CTNNA1: variants seen among roughly 807,000 people sequenced by gnomAD.
The protein encoded by CTNNA1 is catenin alpha-1.
Under a neutral mutation model 98.4 loss-of-function variants are expected in CTNNA1, and 37 were observed. The ratio of observed to expected loss-of-function variants is 0.38; its 90% CI spans 0.29 to 0.49. CTNNA1 has a LOEUF of 0.49. Among genes scored for constraint, CTNNA1 ranks in the 20% least tolerant of loss-of-function variants. The pLI, the probability that CTNNA1 is intolerant of heterozygous loss-of-function variation, is 0.95. For synonymous variants in CTNNA1, 404 were observed against 413.2 expected (o/e 0.98, Z 0.27); for missense variants, 761 against 1,147.2 (o/e 0.66, Z 4.86).
At chr5:138,927,708 G>GAGA (rs1764406585) in intron 13 of CTNNA1, among the ~76,000 whole-genome samples, 2 of 122,638 alleles carry the variant, frequency 1.6e-5, no homozygotes, top group African/African-American at 3.1e-5. Flanking sequence ...TTGGCAGAGA[G>GAGA]ATAATGAATG....
At chr5:138,791,400 C>T (rs1040507588) in intron 3 of CTNNA1, among the ~76,000 whole-genome samples, 2 of 151,832 alleles carry the variant, frequency 1.3e-5, no homozygotes, top group African/African-American at 4.8e-5. Context: ...GGGCAGATCA[C>T]GAGGTCAGGA....
intron 7 of CTNNA1, among the ~76,000 whole-genome samples, chr5:138,835,355 A>C (rs1326480821): frequency 6.6e-6 from 1 of 152,328 alleles, no homozygotes; most frequent in South Asian, 2.1e-4. Flanking sequence ...GTTTGCAGGT[A>C]CAGAGGCTGA....
At chr5:138,829,953 T>C (rs1761094710) in intron 7 of CTNNA1, among the ~76,000 whole-genome samples, 2 of 151,158 alleles carry the variant, frequency 1.3e-5, no homozygotes, top group African/African-American at 2.4e-5. Context: ...GATCACAAGG[T>C]CAGGAGATAG....
intron 6 of CTNNA1, among the ~76,000 whole-genome samples, chr5:138,825,548 C>A (rs570470416): frequency 1.5e-3 from 159 of 107,300 alleles, no homozygotes; most frequent in Non-Finnish European, 2.2e-3. Flanking sequence ...AAAAAACAAA[C>A]CAAAAAACAG....
rs184033082 is a variant in CTNNA1, at chr5:138,887,389, C to T, written c.1144-101C>T. The T allele has an allele frequency of 3.6e-4, 297 of 826,228 alleles. 1 individual carries two copies. The highest frequency in any genetic ancestry group is 5.9e-4 in the Admixed American group (20 of 33,622). The allele number at this position is 826,228 out of a possible 1,614,324, so 51.2% of individuals were successfully genotyped here. ...CCTCATGTAAGTGCAGCAAGTCTAC[C>T]GTAAGCTTCATTAGATTTAAGTGTA... On this transcript the variant is annotated intron_variant, in intron 8 of 17. Coordinates refer to ENST00000302763, the MANE Select transcript of CTNNA1 (RefSeq NM_001903.5).
chr5:138,872,054 G>T (rs1368249105), intron 7 of CTNNA1: 1 of 138,840 alleles, frequency 7.2e-6, no homozygotes, highest in African/African-American at 2.8e-5. Flanking sequence ...GTGTGTGTGT[G>T]TGTGTGTGTG....
At chr5:138,888,525 A>C (rs1032908890) in intron 9 of CTNNA1, among the ~76,000 whole-genome samples, 2 of 152,074 alleles carry the variant, frequency 1.3e-5, no homozygotes, top group African/African-American at 4.8e-5. Context: ...ATTTATAGTG[A>C]TATTAGGCCA....
chr5:138,805,429 C>G (rs989193400), intron 3 of CTNNA1, among the ~76,000 whole-genome samples: 2 of 152,122 alleles, frequency 1.3e-5, no homozygotes, highest in African/African-American at 4.8e-5. Flanking sequence ...CTATTATCTG[C>G]CTTTTTTATT....
At chr5:138,823,100 G>T (rs1291171640) in intron 5 of CTNNA1, among the ~76,000 whole-genome samples, 1 of 152,150 alleles carries the variant, frequency 6.6e-6, no homozygotes, top group Non-Finnish European at 1.5e-5. Context: ...TAAGAGTTGG[G>T]CTACCATTTG....
intron 6 of CTNNA1, among the ~76,000 whole-genome samples, chr5:138,825,182 G>T (rs1760525372): frequency 6.6e-6 from 1 of 152,048 alleles, no homozygotes; most frequent in East Asian, 1.9e-4. Flanking sequence ...TGGTCTATTG[G>T]GAGATAGAGA....
At chr5:138,827,846 G>T in intron 7 of CTNNA1, 128 bp downstream of exon 7, 1 of 1,160,390 alleles carries the variant, frequency 8.6e-7, no homozygotes, top group Non-Finnish European at 1.2e-6. Flanking sequence ...TTTGGGAGTA[G>T]GTCAGATTTT....
rs1173281863 is a variant in CTNNA1 at position 138,770,592 on chromosome 5, C to G, written c.-2-11331C>G. On this transcript the variant is annotated intron_variant, in intron 1 of 17. Transcript: ENST00000302763. ...GTGTTCCCTCTGCCTGGAATGCTCT[C>G]TTCCTCCAGATACTCACTTGATTAG... 6.6e-5 allele frequency among the ~76,000 whole-genome samples: 10 copies of G among 152,210 alleles called. No homozygotes were observed. The South Asian group carries it at 2.1e-3, about 32-fold the overall frequency.
chr5:138,874,381 G>A lies in CTNNA1; in HGVS notation c.1063-11831G>A. On this transcript the variant is annotated intron_variant, in intron 7 of 17. Coordinates refer to ENST00000302763, the MANE Select transcript of CTNNA1 (RefSeq NM_001903.5). This position sits in a 1 kb window ranked among gnomAD's most constrained non-coding sequence, Gnocchi z 4.1. ...TCAGGGACAGGCCCAGAGAGCCCTT[G>A]TCTGTGGCGTTTGGCACTGAGTGGA... The A allele has an allele frequency of 6.2e-7, 1 of 1,614,036 alleles. No individual in the cohort carries two copies. Among genetic ancestry groups the A allele is most frequent in the Middle Eastern group, 1.6e-4 (1 of 6,062 alleles).
chr5:138,902,419 G>GTTT (rs759944446), intron 9 of CTNNA1, among the ~76,000 whole-genome samples: 1 of 152,074 alleles, frequency 6.6e-6, no homozygotes, highest in African/African-American at 2.4e-5. Context: ...AGGGATCTTT[G>GTTT]TTTTTTGTTT....
At chr5:138,796,558 A>T (rs10701173) in intron 3 of CTNNA1, among the ~76,000 whole-genome samples, 15 of 144,268 alleles carry the variant, frequency 1.0e-4, no homozygotes, top group East Asian at 4.1e-4. Flanking sequence ...AAAAAAAAAA[A>T]AGTAGTAGGT....
At chr5:138,829,476 G>A (rs1001951134) in intron 7 of CTNNA1, among the ~76,000 whole-genome samples, 9 of 152,270 alleles carry the variant, frequency 5.9e-5, no homozygotes, top group African/African-American at 2.2e-4. Context: ...AATCTGTTCC[G>A]ATTGCTCCGT....
intron 10 of CTNNA1, among the ~76,000 whole-genome samples, chr5:138,905,743 T>G (rs533684098): frequency 7.9e-5 from 12 of 152,240 alleles, no homozygotes; most frequent in Non-Finnish European, 1.6e-4. Context: ...AGAGCTGAGT[T>G]TGTTTGTCTG....
chr5:138,852,870 C>CAT lies in CTNNA1; in HGVS notation c.1062+25152_1062+25153insAT, dbSNP rs58252952. On this transcript the variant is annotated intron_variant, in intron 7 of 17. Coordinates refer to ENST00000302763, the MANE Select transcript of CTNNA1 (RefSeq NM_001903.5). ...TCCCTTCCCTCTTTTCGCGCGCGCG[C>CAT]GCACACACACATTTTTGCATAGGTG... Among the ~76,000 whole-genome samples, 17 of 151,928 alleles carry CAT rather than the reference C, an allele frequency of 1.1e-4. 1 individual carries two copies. The highest frequency in any genetic ancestry group is 3.9e-4 in the Admixed American group (6 of 15,256).
At position 138,926,545 on chromosome 5, in the gene CTNNA1, C is replaced by T. The variant is rs1235849448; in HGVS notation, c.1899+1138C>T. 2.6e-5 allele frequency among the ~76,000 whole-genome samples: 4 copies of T among 151,996 alleles called. 1 individual carries two copies. The highest frequency in any genetic ancestry group is 4.4e-5 in the Non-Finnish European group (3 of 67,974). On this transcript the variant is annotated intron_variant, in intron 13 of 17. Coordinates refer to ENST00000302763, the MANE Select transcript of CTNNA1 (RefSeq NM_001903.5). The stretch of plus-strand genomic sequence containing the variant: ...GTTGAGGATACTGAGGCAGTTAGTG[C>T]GTCCACCCCTCTGCATCCCATGTCT...
Sources: gnomAD v4.1 joint callset for allele counts (sites outside exome capture counted in the v4.1 genomes callset) on GRCh38, gnomAD v4.1.1 for gene constraint, Gnocchi (gnomAD v3.1) non-coding constraint, MANE v1.5 for transcripts, NCBI Gene and HGNC (gene_info 2026-07-23, HGNC 2026-07-21) for gene names.